The following RPA1 variants were observed in gnomAD, a reference collection of about 807,000 sequenced individuals.
RPA1 encodes replication protein A 70 kDa DNA-binding subunit.
RPA1 carries 49 observed loss-of-function variants against 83.0 expected under a neutral mutation model. The ratio of observed to expected loss-of-function variants is 0.59; its 90% CI spans 0.47 to 0.75. The LOEUF (loss-of-function observed/expected upper bound fraction) is 0.75. Ranked by LOEUF, RPA1 falls within the 30% of genes least tolerant of loss-of-function variation. The pLI, the probability that RPA1 is intolerant of heterozygous loss-of-function variation, is 0.00. For missense variants in RPA1, 693 were observed against 776.1 expected (o/e 0.89, Z 1.27); for synonymous variants, 279 against 281.8 (o/e 0.99, Z 0.10).
chr17:1,871,397 C>G (rs1913371720), intron 5 of RPA1, among the ~76,000 whole-genome samples: 1 of 152,052 alleles, frequency 6.6e-6, no homozygotes, highest in Non-Finnish European at 1.5e-5. Flanking sequence ...TGAGTTAGGA[C>G]CTTGGAAAAC....
chr17:1,880,723 T>C (rs376366272), intron 12 of RPA1, 32 bp downstream of exon 12: 4 of 1,607,902 alleles, frequency 2.5e-6, no homozygotes, highest in Non-Finnish European at 3.4e-6. Flanking sequence ...AAAGGGTTAC[T>C]TGAGGCTGGG....
At chr17:1,847,462 T>C (rs903106080) in intron 4 of RPA1, among the ~76,000 whole-genome samples, 3 of 152,234 alleles carry the variant, frequency 2.0e-5, no homozygotes, top group African/African-American at 7.2e-5. Flanking sequence ...GGGCTTTGCC[T>C]GATGGCACTG....
At chr17:1,839,412 A>T (rs1027656937) in intron 1 of RPA1, among the ~76,000 whole-genome samples, 1 of 144,874 alleles carries the variant, frequency 6.9e-6, no homozygotes, top group African/African-American at 2.6e-5. Context: ...TGCAACCTCC[A>T]CCTCTCGGGT....
At chr17:1,846,198 ATTG>A (rs758355380) in intron 4 of RPA1, among the ~76,000 whole-genome samples, 3 of 146,734 alleles carry the variant, frequency 2.0e-5, no homozygotes, top group Non-Finnish European at 4.5e-5. Context: ...CTGGCTGTCT[ATTG>A]TTAGGTTATG....
chr17:1,896,922 A>G, intron 16 of RPA1, 149 bp from the exon 17 acceptor site: 1 of 691,362 alleles, frequency 1.4e-6, no homozygotes, highest in Non-Finnish European at 2.6e-6. Flanking sequence ...GACATTCAGG[A>G]GGAGGCTGTC....
At chr17:1,857,658 C>A (rs1428252100) in intron 5 of RPA1, among the ~76,000 whole-genome samples, 1 of 141,464 alleles carries the variant, frequency 7.1e-6, no homozygotes, top group East Asian at 2.3e-4. Flanking sequence ...CCACCCCCCA[C>A]CCGGCCCGTC....
chr17:1,882,724 CTT>C (rs1410717715), intron 12 of RPA1, among the ~76,000 whole-genome samples: 2 of 152,166 alleles, frequency 1.3e-5, no homozygotes, highest in Non-Finnish European at 2.9e-5. Context: ...TATGGAAACA[CTT>C]TTGCTACCAC....
intron 5 of RPA1, among the ~76,000 whole-genome samples, chr17:1,862,345 C>T (rs1347879025): frequency 6.6e-6 from 1 of 151,534 alleles, no homozygotes; most frequent in Non-Finnish European, 1.5e-5. Flanking sequence ...TAGAATGTAG[C>T]TCTCTTATAC....
intron 5 of RPA1, among the ~76,000 whole-genome samples, chr17:1,854,633 G>A (rs1286587927): frequency 6.6e-6 from 1 of 152,176 alleles, no homozygotes; most frequent in East Asian, 1.9e-4. Flanking sequence ...GAGCCTGGGA[G>A]GTTGAGGCTG....
At chr17:1,890,053 A>G (rs970923138) in intron 14 of RPA1, among the ~76,000 whole-genome samples, 1 of 152,084 alleles carries the variant, frequency 6.6e-6, no homozygotes, top group Admixed American at 6.6e-5. Flanking sequence ...ATGATTTGGC[A>G]GTAATATATC....
In RPA1 at chr17:1,842,788, T is replaced by C. The variant is rs1255358852; in HGVS notation, c.34-15T>C. 1.9e-6 allele frequency: 3 copies of C among 1,613,440 alleles called. No individual in the cohort carries two copies. The highest frequency in any genetic ancestry group is 1.7e-6 in the Non-Finnish European group (2 of 1,179,550). On this transcript the variant is annotated splice_polypyrimidine_tract_variant and intron_variant, in intron 1 of 16. Transcript: ENST00000254719. ...TGAGTGCGTATCTCACACAAACCTG[T>C]TTTTACTCCCTCAGGCCATCATGCA...
intron 12 of RPA1, among the ~76,000 whole-genome samples, chr17:1,883,014 A>G (rs115202786): frequency 1.1e-3 from 174 of 152,202 alleles, no homozygotes; most frequent in African/African-American, 4.0e-3. Flanking sequence ...AAGAAAGGTC[A>G]TTCCGTTTCT....
intron 1 of RPA1, among the ~76,000 whole-genome samples, chr17:1,830,878 G>T (rs1452620883): frequency 6.6e-6 from 1 of 151,870 alleles, no homozygotes. Flanking sequence ...TGAGTCTCCT[G>T]TCTCAGCCTC....
chr17:1,877,068 T>G (rs1913598671), intron 7 of RPA1, 144 bp from the exon 8 acceptor site: 5 of 704,454 alleles, frequency 7.1e-6, no homozygotes, highest in Non-Finnish European at 1.2e-5. Context: ...CCATGTGTCA[T>G]CTTGGGGTTT....
At position 1,872,298 on chromosome 17, in the gene RPA1, A is replaced by G. The variant is rs1213141199; in HGVS notation, c.362-136A>G. On this transcript the variant is annotated intron_variant, in intron 5 of 16. Coordinates refer to ENST00000254719, the MANE Select transcript of RPA1 (RefSeq NM_002945.5). Reference sequence around the variant, plus strand: ...TTCACCGAGTGCCATGGAATGCCTCAGCACGAATTCTAATCCATGGGAGTC... The same window carrying G: ...TTCACCGAGTGCCATGGAATGCCTCGGCACGAATTCTAATCCATGGGAGTC... 3 of 1,333,168 alleles carry G rather than the reference A, an allele frequency of 2.3e-6. No individual in the cohort carries two copies. The Admixed American group carries it at 7.4e-5, about 33-fold the overall frequency. The allele number at this position is 1,333,168 out of a possible 1,614,324, so 82.6% of individuals were successfully genotyped here.
rs1913922469 is a variant in RPA1 at position 1,884,509 on chromosome 17, C to G, written c.1374+565C>G. 1.3e-5 allele frequency among the ~76,000 whole-genome samples: 2 copies of G among 152,198 alleles called. No homozygotes were observed. Among genetic ancestry groups the G allele is most frequent in the Non-Finnish European group, 2.9e-5 (2 of 68,018 alleles). On this transcript the variant is annotated intron_variant, in intron 13 of 16. Transcript: ENST00000254719. The surrounding 1 kb of genome is among the most constrained non-coding windows in gnomAD (Gnocchi z 4.1). ...TTGTATTTAATGACCCTCCTCCCAT[C>G]TTGATCTAAGCCTGTGTTCTGCCAG...
At chr17:1,861,951 G>C (rs911546076) in intron 5 of RPA1, among the ~76,000 whole-genome samples, 1 of 151,828 alleles carries the variant, frequency 6.6e-6, no homozygotes, top group African/African-American at 2.4e-5. Context: ...CCAGGCTGGA[G>C]TGCAGTGGCG....
chr17:1,894,830 A>G (rs1439262415), intron 15 of RPA1, among the ~76,000 whole-genome samples, 179 bp from the exon 16 acceptor site: 3 of 152,158 alleles, frequency 2.0e-5, no homozygotes, highest in Non-Finnish European at 4.4e-5. Context: ...TAGTGTTTTA[A>G]TTTTCAATAA....
intron 11 of RPA1, among the ~76,000 whole-genome samples, chr17:1,880,298 T>C (rs748125669): frequency 6.6e-6 from 1 of 152,216 alleles, no homozygotes; most frequent in African/African-American, 2.4e-5. Flanking sequence ...TTTATCTTAC[T>C]TCTGTGAGAT....
Sources: gnomAD v4.1 joint callset for allele counts (sites outside exome capture counted in the v4.1 genomes callset) on GRCh38, gnomAD v4.1.1 for gene constraint, Gnocchi (gnomAD v3.1) non-coding constraint, MANE v1.5 for transcripts, NCBI Gene and HGNC (gene_info 2026-07-23, HGNC 2026-07-21) for gene names.